The following PIK3C2G variants were observed in gnomAD, a reference collection of about 807,000 sequenced individuals.
The protein encoded by PIK3C2G is phosphatidylinositol-4-phosphate 3-kinase catalytic subunit type 2 gamma.
PIK3C2G carries 168 observed loss-of-function variants against 181.1 expected under a neutral mutation model. The observed-to-expected ratio is 0.93, with a 90% CI of 0.82 to 1.05. The LOEUF (loss-of-function observed/expected upper bound fraction) is 1.05. Ranked by LOEUF, PIK3C2G falls within the 50% of genes least tolerant of loss-of-function variation. The pLI is 0.00. For synonymous variants in PIK3C2G, 573 were observed against 592.2 expected, an observed-to-expected ratio of 0.97 and a Z score of 0.47; for missense variants, 1,869 against 1,732.8, an observed-to-expected ratio of 1.08 and a Z score of -1.40.
rs1397923775 is a variant in PIK3C2G at position 18,598,639 on chromosome 12, T to G, written c.4087+4070T>G. Among the ~76,000 whole-genome samples the G allele has an allele frequency of 5.9e-3, 880 of 148,594 alleles. 3 individuals are homozygous for G. Among genetic ancestry groups the G allele is most frequent in the Middle Eastern group, 0.01 (3 of 292 alleles). On this transcript the variant is annotated intron_variant, in intron 30 of 32. Transcript: ENST00000538779. The stretch of plus-strand genomic sequence containing the variant: ...AAAGCAATGGCAACAAAAGCCAAAA[T>G]TGACAAATGGGATCTAATTAAACTA...
chr12:18,508,896 A>G (rs1942026203), intron 24 of PIK3C2G, among the ~76,000 whole-genome samples: 1 of 152,200 alleles, frequency 6.6e-6, no homozygotes, highest in Non-Finnish European at 1.5e-5. Flanking sequence ...ATAGTCTTTA[A>G]TTAAAATGCT....
chr12:18,322,661 G>T (rs984832332), intron 7 of PIK3C2G, among the ~76,000 whole-genome samples: 1 of 152,070 alleles, frequency 6.6e-6, no homozygotes, highest in Non-Finnish European at 1.5e-5. Context: ...AATCAGGTCT[G>T]CCTGAAATTT....
chr12:18,319,137 C>G (rs571605337), intron 6 of PIK3C2G, among the ~76,000 whole-genome samples: 1 of 152,080 alleles, frequency 6.6e-6, no homozygotes, highest in South Asian at 2.1e-4. Flanking sequence ...TAGAAATCAT[C>G]CAAGGTTTCA....
chr12:18,555,539 A>C (rs982220135), intron 26 of PIK3C2G, among the ~76,000 whole-genome samples: 1 of 152,178 alleles, frequency 6.6e-6, no homozygotes, highest in Non-Finnish European at 1.5e-5. Flanking sequence ...TTTAGTTTGT[A>C]TAAAAAGTGC....
chr12:18,701,540 T>C, the PIK3C2G span: 13 of 1,614,088 alleles, frequency 8.1e-6, no homozygotes, highest in Non-Finnish European at 1.1e-5. Context: ...GTAACTTTTT[T>C]ACCCCTGTTT....
the PIK3C2G span, among the ~76,000 whole-genome samples, chr12:18,679,058 T>C: frequency 4.6e-5 from 7 of 152,132 alleles, no homozygotes; most frequent in African/African-American, 1.7e-4. Context: ...TAGTGTTAAG[T>C]TGCCTTTCTC....
intron 24 of PIK3C2G, 71 bp downstream of exon 24, chr12:18,505,532 A>C: frequency 3.6e-6 from 4 of 1,096,488 alleles, no homozygotes; most frequent in Non-Finnish European, 5.0e-6. Context: ...GTAATTGCAT[A>C]GAAACCCTGC....
At chr12:18,687,509 A>G in the PIK3C2G span, among the ~76,000 whole-genome samples, 2 of 152,132 alleles carry the variant, frequency 1.3e-5, no homozygotes, top group East Asian at 3.9e-4. Flanking sequence ...TGGCAATGCC[A>G]GTACTATACT....
chr12:18,694,912 T>C, the PIK3C2G span: 5 of 1,586,236 alleles, frequency 3.2e-6, no homozygotes, highest in Non-Finnish European at 4.3e-6. Context: ...AATCTTACCC[T>C]TATTGTAAGT....
intron 22 of PIK3C2G, among the ~76,000 whole-genome samples, chr12:18,502,247 A>T (rs2136108995): frequency 6.6e-6 from 1 of 152,342 alleles, no homozygotes; most frequent in South Asian, 2.1e-4. Context: ...GTAACTGACC[A>T]AATTCAGCAC....
chr12:18,380,374 A>G (rs1464505735), intron 13 of PIK3C2G, among the ~76,000 whole-genome samples: 24 of 152,170 alleles, frequency 1.6e-4, no homozygotes, highest in Admixed American at 1.6e-3. Flanking sequence ...GTGGAGAACA[A>G]TATGACCTCC....
intron 31 of PIK3C2G, among the ~76,000 whole-genome samples, chr12:18,632,838 G>T (rs1949408526): frequency 6.6e-6 from 1 of 152,062 alleles, no homozygotes; most frequent in Non-Finnish European, 1.5e-5. Flanking sequence ...TACTTTACTG[G>T]GTCTCTGGAT....
chr12:18,688,072 G>T, the PIK3C2G span: 6 of 1,608,984 alleles, frequency 3.7e-6, no homozygotes, highest in East Asian at 1.3e-4. Context: ...ATTCAATAAG[G>T]TATATCAGGA....
At chr12:18,685,121 T>C in the PIK3C2G span, among the ~76,000 whole-genome samples, 1 of 152,064 alleles carries the variant, frequency 6.6e-6, no homozygotes, top group East Asian at 1.9e-4. Flanking sequence ...AGTCTTATTA[T>C]GGGAAGAGTT....
intron 16 of PIK3C2G, among the ~76,000 whole-genome samples, chr12:18,415,214 A>G (rs1259660399): frequency 6.6e-6 from 1 of 152,208 alleles, no homozygotes; most frequent in Non-Finnish European, 1.5e-5. Context: ...TGAGTCAAGA[A>G]AATCTATCGG....
intron 26 of PIK3C2G, among the ~76,000 whole-genome samples, chr12:18,548,847 T>C (rs1944580698): frequency 6.6e-6 from 1 of 152,040 alleles, no homozygotes; most frequent in Non-Finnish European, 1.5e-5. Context: ...TGTCTCTCAC[T>C]TCCTAGGACC....
chr12:18,336,712 AG>A (rs1231486316), intron 8 of PIK3C2G, among the ~76,000 whole-genome samples: 8 of 150,010 alleles, frequency 5.3e-5, no homozygotes, highest in African/African-American at 2.0e-4. Context: ...AATCCATGAA[AG>A]ACAAAATAGA....
At chr12:18,672,828 C>T in the PIK3C2G span, among the ~76,000 whole-genome samples, 1,065 of 152,180 alleles carry the variant, frequency 7.0e-3, 12 homozygotes, top group African/African-American at 0.024. Flanking sequence ...AGAAATGCTT[C>T]GATGTAGTCC....
At chr12:18,531,124 C>A (rs528884406) in intron 24 of PIK3C2G, among the ~76,000 whole-genome samples, 1 of 152,082 alleles carries the variant, frequency 6.6e-6, no homozygotes, top group African/African-American at 2.4e-5. Flanking sequence ...ATATCTAATT[C>A]AAAATTATTT....
Sources: gnomAD v4.1 joint callset for allele counts (sites outside exome capture counted in the v4.1 genomes callset) on GRCh38, gnomAD v4.1.1 for gene constraint, MANE v1.5 for transcripts, NCBI Gene and HGNC (gene_info 2026-07-23, HGNC 2026-07-21) for gene names.